The following KIF6 variants were observed in gnomAD, a reference collection of about 807,000 sequenced individuals.
KIF6 encodes kinesin-like protein KIF6.
KIF6 carries 106 observed loss-of-function variants against 112.7 expected under a neutral mutation model. The ratio of observed to expected loss-of-function variants is 0.94; its 90% CI spans 0.80 to 1.11. The LOEUF (loss-of-function observed/expected upper bound fraction) is 1.11, where lower values mean the gene tolerates loss of function less well. Ranked by LOEUF, KIF6 falls within the 50% of genes least tolerant of loss-of-function variation. The pLI is 0.00. For missense variants in KIF6, 929 were observed against 964.0 expected, an observed-to-expected ratio of 0.96 and a Z score of 0.48; for synonymous variants, 339 against 339.9, an observed-to-expected ratio of 1.00 and a Z score of 0.03.
chr6:39,404,275 A>G (rs971484388), intron 15 of KIF6, among the ~76,000 whole-genome samples: 5 of 152,168 alleles, frequency 3.3e-5, no homozygotes, highest in African/African-American at 9.7e-5. Context: ...TCTCATACTC[A>G]TTCTTCTAAA....
At chr6:39,380,994 T>C (rs930675357) in intron 16 of KIF6, among the ~76,000 whole-genome samples, 5 of 152,244 alleles carry the variant, frequency 3.3e-5, no homozygotes, top group Non-Finnish European at 5.9e-5. Context: ...TAACAGTTTA[T>C]GCTTTTATGG....
In KIF6 at chr6:39,622,302, T is replaced by C. The variant is rs139751689; in HGVS notation, c.510-8984A>G. Among the ~76,000 whole-genome samples, 35 of 152,270 alleles carry C rather than the reference T, an allele frequency of 2.3e-4. No individual in the cohort carries two copies. In the East Asian group the frequency reaches 6.7e-3, roughly 29 times the overall value. ...TTTATATATAAAATATTTTGTTTCT[T>C]ATATTTATTAGGCAAATTTTATATG... On this transcript the variant is annotated intron_variant, in intron 5 of 22. Transcript: ENST00000287152.
chr6:39,524,455 C>G (rs540390525), intron 13 of KIF6, among the ~76,000 whole-genome samples: 1 of 152,082 alleles, frequency 6.6e-6, no homozygotes, highest in South Asian at 2.1e-4. Flanking sequence ...TACTGTGATG[C>G]GCCATCCAGA....
At chr6:39,657,501 A>T (rs1442357498) in intron 3 of KIF6, among the ~76,000 whole-genome samples, 1 of 152,110 alleles carries the variant, frequency 6.6e-6, no homozygotes, top group Non-Finnish European at 1.5e-5. Flanking sequence ...CAAACAACTA[A>T]ATCTCCAAAG....
intron 3 of KIF6, among the ~76,000 whole-genome samples, chr6:39,670,471 A>G (rs1786746808): frequency 6.6e-6 from 1 of 152,210 alleles, no homozygotes; most frequent in Admixed American, 6.5e-5. Flanking sequence ...GAAAATTATA[A>G]GGAAGAAAAG....
intron 8 of KIF6, among the ~76,000 whole-genome samples, 198 bp downstream of exon 8, chr6:39,586,063 A>G (rs1781608253): frequency 6.6e-6 from 1 of 152,196 alleles, no homozygotes; most frequent in Non-Finnish European, 1.5e-5. Context: ...CAATTCTCAA[A>G]TGGGGTTATT....
At chr6:39,637,269 T>G (rs149372317) in intron 4 of KIF6, among the ~76,000 whole-genome samples, 86 of 152,136 alleles carry the variant, frequency 5.7e-4, no homozygotes, top group African/African-American at 2.0e-3. Context: ...TTTGGCTCTT[T>G]CAGCTTCTGC....
intron 13 of KIF6, among the ~76,000 whole-genome samples, chr6:39,470,039 A>T (rs776589424): frequency 6.6e-6 from 1 of 152,204 alleles, no homozygotes; most frequent in Non-Finnish European, 1.5e-5. Flanking sequence ...CTCTAGGATA[A>T]ATCATGTCTT....
intron 16 of KIF6, among the ~76,000 whole-genome samples, chr6:39,372,633 C>A (rs1043122496): frequency 6.6e-6 from 1 of 152,148 alleles, no homozygotes; most frequent in Admixed American, 6.5e-5. Context: ...AAATAACACC[C>A]ATGTACTGAC....
intron 22 of KIF6, among the ~76,000 whole-genome samples, chr6:39,337,004 T>G: frequency 1.4e-5 from 2 of 142,820 alleles, no homozygotes; most frequent in Non-Finnish European, 1.5e-5. Flanking sequence ...CCTTCCTTTC[T>G]TCCCTCCCTC....
chr6:39,620,617 A>G (rs986979513), intron 5 of KIF6, among the ~76,000 whole-genome samples: 1 of 152,218 alleles, frequency 6.6e-6, no homozygotes, highest in Non-Finnish European at 1.5e-5. Flanking sequence ...AGAACCAAGA[A>G]AGCAGAGCCT....
intron 16 of KIF6, among the ~76,000 whole-genome samples, chr6:39,366,331 G>A (rs557482998): frequency 2.0e-5 from 3 of 152,174 alleles, no homozygotes; most frequent in African/African-American, 4.8e-5. Context: ...AAATAGCAGC[G>A]CCAGGCTTTG....
intron 10 of KIF6, among the ~76,000 whole-genome samples, chr6:39,566,686 T>C (rs927373146): frequency 6.6e-6 from 1 of 152,244 alleles, no homozygotes. Flanking sequence ...AATTTGAAGA[T>C]TCCAGAAGCA....
intron 13 of KIF6, among the ~76,000 whole-genome samples, chr6:39,495,949 A>G (rs1053550170): frequency 6.6e-6 from 1 of 152,220 alleles, no homozygotes; most frequent in African/African-American, 2.4e-5. Flanking sequence ...CCAGAATAAG[A>G]AAGAAGAGTG....
chr6:39,421,676 T>G (rs79197796), intron 14 of KIF6, among the ~76,000 whole-genome samples: 1,835 of 152,266 alleles, frequency 0.012, 33 homozygotes, highest in African/African-American at 0.041. Flanking sequence ...GGGACTAAAG[T>G]TTTTCTCAAT....
intron 12 of KIF6, 132 bp from the exon 13 acceptor site, chr6:39,540,353 T>C (rs1778719885): frequency 1.6e-6 from 1 of 630,650 alleles, no homozygotes; most frequent in African/African-American, 1.8e-5. Context: ...AGGCTTCAAC[T>C]TCCTGAAGCC....
chr6:39,450,947 T>C (rs1421687662), intron 13 of KIF6, among the ~76,000 whole-genome samples: 3 of 152,254 alleles, frequency 2.0e-5, no homozygotes, highest in Non-Finnish European at 4.4e-5. Flanking sequence ...TACTTAACAT[T>C]ATCTCATAAT....
At position 39,413,271 on chromosome 6, in the gene KIF6, A is replaced by T. The variant is rs565564896; in HGVS notation, c.1810+6677T>A. On this transcript the variant is annotated intron_variant, in intron 15 of 22. Transcript: ENST00000287152. ...CTAACTGTTGTCTTTTCTCATAAGAACTACCTCCCATTGCTTTACAGATGT... is the reference window on the plus strand; with the variant it reads ...CTAACTGTTGTCTTTTCTCATAAGATCTACCTCCCATTGCTTTACAGATGT... Among the ~76,000 whole-genome samples, 13 of 152,290 alleles carry T rather than the reference A, an allele frequency of 8.5e-5. No individual in the cohort carries two copies. In the East Asian group the frequency reaches 2.3e-3, roughly 27 times the overall value.
chr6:39,701,108 TA>T (rs1410627121), intron 3 of KIF6, among the ~76,000 whole-genome samples: 1 of 152,252 alleles, frequency 6.6e-6, no homozygotes, highest in African/African-American at 2.4e-5. Context: ...AACTTCTTGA[TA>T]TGTTTTATTG....
Sources: gnomAD v4.1 joint callset for allele counts (sites outside exome capture counted in the v4.1 genomes callset) on GRCh38, gnomAD v4.1.1 for gene constraint, MANE v1.5 for transcripts, NCBI Gene and HGNC (gene_info 2026-07-23, HGNC 2026-07-21) for gene names.